Variants in NOX4 observed in about 807,000 individuals in gnomAD.
The protein encoded by NOX4 is kidney oxidase-1.
In NOX4, 69 loss-of-function variants were observed where a neutral mutation model predicts 87.6. The ratio of observed to expected loss-of-function variants is 0.79; its 90% CI spans 0.65 to 0.96. NOX4 has a LOEUF of 0.96. Ranked by LOEUF, NOX4 falls within the 40% of genes least tolerant of loss-of-function variation. NOX4 has a pLI of 0.00. For synonymous variants in NOX4, 275 were observed against 238.2 expected (o/e 1.15, Z -1.42); for missense variants, 680 against 681.5 (o/e 1.00, Z 0.02).
At chr11:89,395,135 C>G (rs990669985) in intron 11 of NOX4, among the ~76,000 whole-genome samples, 10 of 152,142 alleles carry the variant, frequency 6.6e-5, no homozygotes, top group Admixed American at 6.6e-4. Context: ...TAAAAGCATT[C>G]CTATTTCTCC....
In NOX4 at chr11:89,444,466, A is replaced by AAC. The variant is rs59319897; in HGVS notation, c.350-236_350-235dup. On this transcript the variant is annotated intron_variant, in intron 4 of 17. Transcript: ENST00000263317. Reference sequence around the variant, plus strand: ...ACCCTAGTAAGTCAGGGATAAGAGAAACACACACACACACACACACACACA... The same window carrying AAC: ...ACCCTAGTAAGTCAGGGATAAGAGAAACACACACACACACACACACACACACA... Among the ~76,000 whole-genome samples the AAC allele has an allele frequency of 2.4e-3, 349 of 147,226 alleles. 1 individual carries two copies. Among genetic ancestry groups the AAC allele is most frequent in the South Asian group, 9.7e-3 (45 of 4,656 alleles).
At chr11:89,386,511 C>T (rs1940709845) in intron 11 of NOX4, among the ~76,000 whole-genome samples, 2 of 152,090 alleles carry the variant, frequency 1.3e-5, no homozygotes, top group African/African-American at 4.8e-5. Context: ...CACTGTTATT[C>T]TTGTTCCCAT....
At chr11:89,474,931 A>AG (rs1267770583) in intron 2 of NOX4, among the ~76,000 whole-genome samples, 8 of 151,920 alleles carry the variant, frequency 5.3e-5, no homozygotes, top group Non-Finnish European at 1.2e-4. Context: ...ATGAAAACAG[A>AG]GGGGGTATTC....
At chr11:89,499,439 G>A (rs1429563136), upstream of NOX4, among the ~76,000 whole-genome samples, 1 of 152,180 alleles carries the variant, frequency 6.6e-6, no homozygotes, top group Non-Finnish European at 1.5e-5. Flanking sequence ...TGCCAACAGT[G>A]TGGCAAAGGT....
chr11:89,370,365 C>G (rs1939351540), intron 12 of NOX4, among the ~76,000 whole-genome samples: 1 of 151,590 alleles, frequency 6.6e-6, no homozygotes, highest in South Asian at 2.1e-4. Context: ...ACATTAATTA[C>G]ATGTGGATGT....
At chr11:89,463,226 G>A (rs1025885828) in intron 2 of NOX4, among the ~76,000 whole-genome samples, 3 of 151,476 alleles carry the variant, frequency 2.0e-5, no homozygotes, top group Admixed American at 1.3e-4. Flanking sequence ...CTATTCTCTG[G>A]ATTACCACTG....
the NOX4 span, among the ~76,000 whole-genome samples, chr11:89,505,653 T>C: frequency 1.3e-5 from 2 of 151,718 alleles, no homozygotes; most frequent in Admixed American, 6.6e-5. Context: ...CTTGTGGTAT[T>C]TGATGGGAGT....
At chr11:89,455,590 C>G (rs1945158091) in intron 2 of NOX4, among the ~76,000 whole-genome samples, 1 of 151,982 alleles carries the variant, frequency 6.6e-6, no homozygotes, top group African/African-American at 2.4e-5. Flanking sequence ...TATTTACAAT[C>G]TTTGTGGTTA....
At chr11:89,540,580 G>T in the NOX4 span, among the ~76,000 whole-genome samples, 1 of 151,842 alleles carries the variant, frequency 6.6e-6, no homozygotes, top group African/African-American at 2.4e-5. Flanking sequence ...GAGGTCAGGA[G>T]ATCCAGACCA....
chr11:89,508,946 T>A, the NOX4 span, among the ~76,000 whole-genome samples: 1 of 152,056 alleles, frequency 6.6e-6, no homozygotes, highest in Non-Finnish European at 1.5e-5. Context: ...CACAGAGATT[T>A]TTTTTAAAAA....
At chr11:89,521,673 T>G in the NOX4 span, among the ~76,000 whole-genome samples, 3 of 151,832 alleles carry the variant, frequency 2.0e-5, no homozygotes, top group African/African-American at 7.3e-5. Context: ...AAACAAAAAT[T>G]GTCCAGTGCC....
the NOX4 span, among the ~76,000 whole-genome samples, chr11:89,518,902 T>TA: frequency 0.14 from 21,146 of 151,882 alleles, 1,894 homozygotes; most frequent in Admixed American, 0.25. Context: ...GTGATTATGA[T>TA]AAAAAAATCA....
chr11:89,519,854 T>C, the NOX4 span, among the ~76,000 whole-genome samples: 1 of 152,216 alleles, frequency 6.6e-6, no homozygotes, highest in East Asian at 1.9e-4. Context: ...CTGTGAATGT[T>C]GACCTAACTC....
At chr11:89,461,647 A>AAAATAAATAAATAAATAAAT (rs60340385) in intron 2 of NOX4, among the ~76,000 whole-genome samples, 68,069 of 145,174 alleles carry the variant, frequency 0.47, 16,427 homozygotes, top group Admixed American at 0.55. Flanking sequence ...TCCATCTCAA[A>AAAATAAATAAATAAATAAAT]AAATAAATAA....
intron 2 of NOX4, among the ~76,000 whole-genome samples, chr11:89,455,385 T>G (rs1945145013): frequency 6.6e-6 from 1 of 152,078 alleles, no homozygotes; most frequent in South Asian, 2.1e-4. Context: ...GGCTTACTCC[T>G]CCTTTCTACT....
the NOX4 span, among the ~76,000 whole-genome samples, chr11:89,536,921 A>T: frequency 6.6e-6 from 1 of 152,236 alleles, no homozygotes; most frequent in Admixed American, 6.5e-5. Flanking sequence ...TTCCAATGAG[A>T]AGTGTGTGTT....
At chr11:89,473,511 T>C (rs1946036079) in intron 2 of NOX4, among the ~76,000 whole-genome samples, 1 of 152,056 alleles carries the variant, frequency 6.6e-6, no homozygotes, top group South Asian at 2.1e-4. Flanking sequence ...TACCTCTTCA[T>C]TTATTGGAAT....
chr11:89,540,033 G>C, the NOX4 span, among the ~76,000 whole-genome samples: 1 of 152,232 alleles, frequency 6.6e-6, no homozygotes, highest in East Asian at 1.9e-4. Flanking sequence ...TCTAGCCTAA[G>C]AACAGATTAG....
chr11:89,404,584 T>C (rs1320952303), intron 8 of NOX4, among the ~76,000 whole-genome samples: 2 of 152,092 alleles, frequency 1.3e-5, no homozygotes, highest in East Asian at 3.9e-4. Context: ...AAAAACTGCA[T>C]GAACTAGGAT....
Sources: allele counts gnomAD v4.1 joint callset (sites outside exome capture counted in the v4.1 genomes callset), GRCh38; gene constraint gnomAD v4.1.1; transcripts MANE v1.5; gene names NCBI Gene and HGNC (gene_info 2026-07-23, HGNC 2026-07-21).